Variants in PPFIA2 observed in about 807,000 individuals in gnomAD.
PPFIA2 encodes the protein liprin-alpha-2.
In PPFIA2, 46 loss-of-function variants were observed where a neutral mutation model predicts 175.5. That is an observed-to-expected ratio of 0.26 (90% confidence interval 0.21 to 0.34). The LOEUF (loss-of-function observed/expected upper bound fraction) is 0.34. Among genes scored for constraint, PPFIA2 ranks in the 10% least tolerant of loss-of-function variants. The pLI, the probability that PPFIA2 is intolerant of heterozygous loss-of-function variation, is 1.00. For synonymous variants in PPFIA2, 568 were observed against 511.4 expected (o/e 1.11, Z -1.49); for missense variants, 1,179 against 1,506.1 (o/e 0.78, Z 3.60).
intron 4 of PPFIA2, among the ~76,000 whole-genome samples, chr12:81,625,449 T>A (rs908445316): frequency 2.6e-5 from 4 of 151,912 alleles, no homozygotes; most frequent in Non-Finnish European, 5.9e-5. Context: ...TAATAAATAG[T>A]ATGATATATA....
intron 2 of PPFIA2, among the ~76,000 whole-genome samples, chr12:81,758,052 G>T (rs1051752264): frequency 1.3e-5 from 2 of 152,076 alleles, no homozygotes; most frequent in African/African-American, 4.8e-5. Flanking sequence ...CACCTTTAAT[G>T]GACACATTTT....
intron 5 of PPFIA2, among the ~76,000 whole-genome samples, chr12:81,450,599 C>T (rs1179135965): frequency 6.6e-6 from 1 of 152,150 alleles, no homozygotes; most frequent in Non-Finnish European, 1.5e-5. Context: ...TGCCTGTTCA[C>T]TCTGATGGTA....
chr12:81,575,418 T>C (rs1012406081), intron 4 of PPFIA2, among the ~76,000 whole-genome samples: 6 of 151,806 alleles, frequency 4.0e-5, no homozygotes, highest in Non-Finnish European at 5.9e-5. Context: ...AAGTGTTTCA[T>C]GAGAAATTTA....
intron 4 of PPFIA2, among the ~76,000 whole-genome samples, chr12:81,641,674 A>C (rs1458963194): frequency 6.6e-6 from 1 of 152,126 alleles, no homozygotes; most frequent in Non-Finnish European, 1.5e-5. Flanking sequence ...TTGATCTGAC[A>C]ACTGACCACA....
In PPFIA2 at chr12:81,690,458, C is replaced by T. The variant is rs530314973; in HGVS notation, c.250-13614G>A. 2.0e-5 allele frequency among the ~76,000 whole-genome samples: 3 copies of T among 152,154 alleles called. No homozygotes were observed. In the South Asian group the frequency reaches 6.2e-4, roughly 32 times the overall value. ...GATTTTTCGCATCTTTACACTTAGG[C>T]ACCAAAGTCTATTCCTGTCTCACTC... On this transcript the variant is annotated intron_variant, in intron 3 of 32. Coordinates refer to ENST00000549396, the MANE Select transcript of PPFIA2 (RefSeq NM_003625.5).
chr12:81,294,053 T>A, intron 24 of PPFIA2, among the ~76,000 whole-genome samples: 1 of 151,878 alleles, frequency 6.6e-6, no homozygotes, highest in Non-Finnish European at 1.5e-5. Flanking sequence ...AAAAATCAAA[T>A]ACAACATGTC....
At chr12:81,345,321 G>C (rs2058866457) in intron 18 of PPFIA2, among the ~76,000 whole-genome samples, 1 of 151,960 alleles carries the variant, frequency 6.6e-6, no homozygotes, top group African/African-American at 2.4e-5. Context: ...TTCATTTCTT[G>C]CTTCTCTGAC....
chr12:81,333,873 C>A (rs751635302), intron 21 of PPFIA2, among the ~76,000 whole-genome samples: 1 of 152,108 alleles, frequency 6.6e-6, no homozygotes, highest in Admixed American at 6.5e-5. Flanking sequence ...AATCATGCCA[C>A]GAGAAACTTT....
chr12:81,304,041 C>T (rs2048527883), intron 22 of PPFIA2, among the ~76,000 whole-genome samples: 2 of 152,168 alleles, frequency 1.3e-5, no homozygotes, highest in Non-Finnish European at 1.5e-5. Context: ...TGCATGCCAT[C>T]ACATGCCTCC....
chr12:81,538,346 G>A (rs1162616123), intron 4 of PPFIA2, among the ~76,000 whole-genome samples: 1 of 151,836 alleles, frequency 6.6e-6, no homozygotes, highest in Non-Finnish European at 1.5e-5. Flanking sequence ...GCATGTTCAT[G>A]GGTGTCAGAC....
At chr12:81,551,891 TA>T (rs2067988432) in intron 4 of PPFIA2, among the ~76,000 whole-genome samples, 1 of 151,878 alleles carries the variant, frequency 6.6e-6, no homozygotes, top group African/African-American at 2.4e-5. Context: ...TTTTATTAGA[TA>T]ACTACAACTG....
intron 22 of PPFIA2, among the ~76,000 whole-genome samples, chr12:81,324,580 A>C (rs369710290): frequency 2.0e-5 from 3 of 152,048 alleles, no homozygotes; most frequent in East Asian, 1.9e-4. Flanking sequence ...TTTTAGAAGA[A>C]TGTTTTTCTC....
intron 4 of PPFIA2, among the ~76,000 whole-genome samples, chr12:81,490,043 T>A (rs953247116): frequency 2.4e-4 from 37 of 151,890 alleles, no homozygotes; most frequent in African/African-American, 8.9e-4. Context: ...ATTTTCCCCA[T>A]TATAAGACCT....
chr12:81,564,182 T>C (rs2070809584), intron 4 of PPFIA2, among the ~76,000 whole-genome samples: 1 of 152,184 alleles, frequency 6.6e-6, no homozygotes, highest in African/African-American at 2.4e-5. Context: ...TAGAAATCAT[T>C]CATCTTCATT....
intron 7 of PPFIA2, among the ~76,000 whole-genome samples, chr12:81,424,698 T>C (rs181699565): frequency 2.6e-5 from 4 of 152,290 alleles, no homozygotes; most frequent in Admixed American, 2.0e-4. Flanking sequence ...TTCAATGGCA[T>C]GTAAGTAAGA....
At chr12:81,585,051 T>C (rs1397140833) in intron 4 of PPFIA2, among the ~76,000 whole-genome samples, 1 of 118,426 alleles carries the variant, frequency 8.4e-6, no homozygotes, top group African/African-American at 3.2e-5. Flanking sequence ...TATAATATAT[T>C]ATATAATTAT....
intron 4 of PPFIA2, among the ~76,000 whole-genome samples, chr12:81,571,816 T>C (rs1384278851): frequency 6.6e-6 from 1 of 152,134 alleles, no homozygotes; most frequent in Non-Finnish European, 1.5e-5. Flanking sequence ...AATAATTTTG[T>C]CCAATGTGAC....
At chr12:81,559,977 C>T (rs2069677369) in intron 4 of PPFIA2, among the ~76,000 whole-genome samples, 2 of 151,864 alleles carry the variant, frequency 1.3e-5, no homozygotes, top group Non-Finnish European at 2.9e-5. Context: ...CTCCTCTATC[C>T]AAGATATAAC....
At chr12:81,430,305 C>T (rs892410869) in intron 7 of PPFIA2, 13 of 152,088 alleles carry the variant, frequency 8.5e-5, no homozygotes, top group African/African-American at 3.1e-4. Flanking sequence ...CTCTCCTTCC[C>T]TTCGTTGCTG....
Sources: allele counts gnomAD v4.1 joint callset (sites outside exome capture counted in the v4.1 genomes callset), GRCh38; gene constraint gnomAD v4.1.1; transcripts MANE v1.5; gene names NCBI Gene and HGNC (gene_info 2026-07-23, HGNC 2026-07-21).